DTNA: variants seen among roughly 807,000 people sequenced by gnomAD.
DTNA encodes dystrophin-related protein 3.
In DTNA, 43 loss-of-function variants were observed where a neutral mutation model predicts 100.7. That is an observed-to-expected ratio of 0.43 (90% CI 0.33 to 0.55). The LOEUF (loss-of-function observed/expected upper bound fraction) is 0.55, where lower values mean the gene tolerates loss of function less well. Among genes scored for constraint, DTNA ranks in the 20% least tolerant of loss-of-function variants. The pLI is 0.04. For missense variants in DTNA, 798 were observed against 953.9 expected, an observed-to-expected ratio of 0.84 and a Z score of 2.15; for synonymous variants, 349 against 347.9, an observed-to-expected ratio of 1.00 and a Z score of -0.04.
intron 1 of DTNA, among the ~76,000 whole-genome samples, chr18:34,690,536 C>T (rs890428864): frequency 4.6e-5 from 7 of 152,294 alleles, no homozygotes; most frequent in South Asian, 2.1e-4. Context: ...CCACCTGTTG[C>T]GTTGGTCTCA....
chr18:34,851,212 C>G (rs1659036492), intron 14 of DTNA, among the ~76,000 whole-genome samples: 1 of 152,192 alleles, frequency 6.6e-6, no homozygotes, highest in South Asian at 2.1e-4. Flanking sequence ...AGCAATTCTC[C>G]TGCCTCAGCC....
At chr18:34,599,500 C>T (rs1360477381) in intron 1 of DTNA, among the ~76,000 whole-genome samples, 1 of 152,148 alleles carries the variant, frequency 6.6e-6, no homozygotes, top group Non-Finnish European at 1.5e-5. Flanking sequence ...GACACTGGTA[C>T]TGAAGGATAT....
rs1315279955 is a variant in DTNA at position 34,890,256 on chromosome 18, A to G, written c.*2522A>G. The G allele has an allele frequency of 1.3e-6, 2 of 1,520,198 alleles. No homozygotes were observed. The highest frequency in any genetic ancestry group is 2.5e-5 in the East Asian group (1 of 40,720). 94.2% of individuals were successfully genotyped at this position (1,520,198 alleles called of 1,614,324 possible). A position where few individuals can be genotyped will look rare whatever the true frequency, so the allele number is the denominator to read the frequency against. ...TGCAAGGACTCTGGAAACTGCCGCC[A>G]ATGACCAATTTCTGACTAACCAGCC... On this transcript the variant is annotated 3_prime_UTR_variant, in exon 23 of 23. Transcript: ENST00000444659.
chr18:34,718,289 CTTAATA>C (rs2084489938), intron 1 of DTNA, among the ~76,000 whole-genome samples: 1 of 152,096 alleles, frequency 6.6e-6, no homozygotes, highest in African/African-American at 2.4e-5. Context: ...GAGGTGGAAA[CTTAATA>C]TTTATGAGAC....
Position 34,539,131 on chromosome 18 carries a change from A to C in DTNA, c.-2+45617A>C, listed in dbSNP as rs543508637. Among the ~76,000 whole-genome samples, 3 of 152,180 alleles carry C rather than the reference A, an allele frequency of 2.0e-5. No homozygotes were observed. The East Asian group carries it at 5.8e-4, about 29-fold the overall frequency. On this transcript the variant is annotated intron_variant, in intron 1 of 19. Coordinates refer to the DTNA transcript ENST00000283365. ...ATTGGCAAAATATTTAAAATGATCA[A>C]GAATATGCATTGATGGTCCAGGAGT...
At chr18:34,751,272 A>G (rs1009388529) in intron 1 of DTNA, among the ~76,000 whole-genome samples, 2 of 152,196 alleles carry the variant, frequency 1.3e-5, no homozygotes, top group Non-Finnish European at 1.5e-5. Context: ...AATGCAACAC[A>G]TGAGTCTCAC....
chr18:34,870,142 T>C (rs2096750768), intron 17 of DTNA, among the ~76,000 whole-genome samples: 1 of 152,264 alleles, frequency 6.6e-6, no homozygotes, highest in African/African-American at 2.4e-5. Flanking sequence ...TTGTTTCTTA[T>C]TTGGGAAGAT....
chr18:34,734,732 A>T (rs148656046), intron 1 of DTNA, among the ~76,000 whole-genome samples: 7 of 152,108 alleles, frequency 4.6e-5, no homozygotes, highest in Non-Finnish European at 7.4e-5. Flanking sequence ...TTTATTCTCC[A>T]TATATGGTCA....
intron 1 of DTNA, among the ~76,000 whole-genome samples, chr18:34,699,379 T>C (rs895680373): frequency 6.6e-6 from 1 of 152,172 alleles, no homozygotes; most frequent in African/African-American, 2.4e-5. Context: ...GCTCAGCCTT[T>C]TGTTTTATTC....
chr18:34,699,594 A>G (rs946944990), intron 1 of DTNA, among the ~76,000 whole-genome samples: 1 of 152,204 alleles, frequency 6.6e-6, no homozygotes, highest in Non-Finnish European at 1.5e-5. Flanking sequence ...ACTCAAATAC[A>G]CAATGCCCCG....
At chr18:34,838,432 C>T (rs2096200300) in intron 12 of DTNA, among the ~76,000 whole-genome samples, 1 of 152,180 alleles carries the variant, frequency 6.6e-6, no homozygotes, top group Non-Finnish European at 1.5e-5. Flanking sequence ...TTAATCTTTG[C>T]TTGCAACCAA....
chr18:34,516,216 G>GC (rs1023660671), intron 1 of DTNA, among the ~76,000 whole-genome samples: 2 of 152,136 alleles, frequency 1.3e-5, no homozygotes, highest in African/African-American at 4.8e-5. Flanking sequence ...GTTCCATGAT[G>GC]CCCCTCAAAC....
chr18:34,530,355 C>A (rs2043022729), intron 1 of DTNA, among the ~76,000 whole-genome samples: 1 of 152,068 alleles, frequency 6.6e-6, no homozygotes, highest in Non-Finnish European at 1.5e-5. Context: ...CATTCTAGAT[C>A]CCCCTGAAAT....
At chr18:34,782,256 A>G (rs1367507161) in intron 3 of DTNA, among the ~76,000 whole-genome samples, 1 of 152,174 alleles carries the variant, frequency 6.6e-6, no homozygotes, top group African/African-American at 2.4e-5. Context: ...TGCCCTCAAG[A>G]TGCTAGCACG....
At chr18:34,705,336 C>T (rs2081978243), upstream of DTNA, among the ~76,000 whole-genome samples, 2 of 152,106 alleles carry the variant, frequency 1.3e-5, no homozygotes, top group Non-Finnish European at 1.5e-5. Flanking sequence ...ACAGCATCAC[C>T]CACCTCAAAG....
intron 17 of DTNA, among the ~76,000 whole-genome samples, chr18:34,865,453 C>T (rs2096687596): frequency 6.6e-6 from 1 of 151,986 alleles, no homozygotes. Context: ...TATTCCTTTT[C>T]CCTCCATCAG....
intron 3 of DTNA, among the ~76,000 whole-genome samples, chr18:34,776,121 C>T (rs1222167429): frequency 1.3e-5 from 2 of 152,162 alleles, no homozygotes; most frequent in Admixed American, 1.3e-4. Context: ...TTTTACACAA[C>T]TGATGAAGTT....
At position 34,855,676 on chromosome 18, in the gene DTNA, A is replaced by C. The variant is rs577478053; in HGVS notation, c.1533-2609A>C. ...GTCAAAGGGGGCTTTGTGGAATATC[A>C]AAAGGAGGTCAACCCTGACCAGAGT... On this transcript the variant is annotated intron_variant, in intron 15 of 22. Transcript: ENST00000444659. Among the ~76,000 whole-genome samples the C allele has an allele frequency of 7.9e-5, 12 of 152,330 alleles. No homozygotes were observed. In the South Asian group the frequency reaches 1.0e-3, roughly 13 times the overall value.
Position 34,767,745 on chromosome 18 carries a change from A to G in DTNA, c.148+1704A>G, listed in dbSNP as rs184155366. The G allele has an allele frequency of 4.7e-4, 72 of 152,278 alleles. 1 individual carries two copies. The highest frequency in any genetic ancestry group is 1.6e-3 in the African/African-American group (67 of 41,532). 9.4% of individuals were successfully genotyped at this position (152,278 alleles called of 1,614,324 possible). ...CATGGATTAATCCATTCATGAGGGCAGAGCCCACATGACCAATCACCTCTT... is the reference window on the plus strand; with the variant it reads ...CATGGATTAATCCATTCATGAGGGCGGAGCCCACATGACCAATCACCTCTT... On this transcript the variant is annotated intron_variant, in intron 3 of 22. Coordinates refer to ENST00000444659, the MANE Select transcript of DTNA (RefSeq NM_001386795.1).
Sources: allele counts gnomAD v4.1 joint callset (sites outside exome capture counted in the v4.1 genomes callset), GRCh38; gene constraint gnomAD v4.1.1; transcripts MANE v1.5; gene names NCBI Gene and HGNC (gene_info 2026-07-23, HGNC 2026-07-21).